Variants in PCDH15 observed in about 807,000 individuals in gnomAD.
The protein encoded by PCDH15 is protocadherin-15.
In PCDH15, 129 loss-of-function variants were observed where a neutral mutation model predicts 178.5. The observed-to-expected ratio is 0.72, with a 90% CI of 0.63 to 0.84. The LOEUF (loss-of-function observed/expected upper bound fraction) is 0.84, where lower values mean the gene tolerates loss of function less well. Among genes scored for constraint, PCDH15 ranks in the 40% least tolerant of loss-of-function variants. The probability of loss-of-function intolerance (pLI) is 0.00; values close to 1 mark genes in which losing one functional copy is unlikely to be tolerated. For synonymous variants in PCDH15, 800 were observed against 732.0 expected (o/e 1.09, Z -1.50); for missense variants, 2,230 against 2,099.9 (o/e 1.06, Z -1.21).
rs1841334974 is a variant in PCDH15, at chr10:55,234,968, TAC to T, written c.-155-68319_-155-68318del. ...AAGATTCCATAATTTTTCCAAAATT[TAC>T]AAAAATAAGTTAAAAATCCATAATG... On this transcript the variant is annotated intron_variant, in intron 1 of 5. Coordinates refer to the PCDH15 transcript ENST00000458638. Among the ~76,000 whole-genome samples the T allele has an allele frequency of 3.9e-5, 6 of 152,070 alleles. No individual in the cohort carries two copies. In the South Asian group the frequency reaches 1.2e-3, roughly 32 times the overall value.
chr10:53,816,163 T>A (rs1332625257), intron 35 of PCDH15, 76 bp downstream of exon 35: 1 of 398,238 alleles, frequency 2.5e-6, no homozygotes, highest in Non-Finnish European at 4.4e-6. Context: ...CCACTCTGCC[T>A]ACAAGAATTA....
chr10:55,099,576 T>C (rs2132044376), intron 2 of PCDH15, among the ~76,000 whole-genome samples: 1 of 152,238 alleles, frequency 6.6e-6, no homozygotes, highest in African/African-American at 2.4e-5. Context: ...GGAATTATCT[T>C]CATTCCACAT....
chr10:53,913,304 A>G (rs2083259247), intron 25 of PCDH15, among the ~76,000 whole-genome samples: 1 of 152,202 alleles, frequency 6.6e-6, no homozygotes, highest in African/African-American at 2.4e-5. Flanking sequence ...GATGGATTAA[A>G]GACTTAAATG....
At chr10:54,998,372 G>A (rs963143429) in intron 2 of PCDH15, among the ~76,000 whole-genome samples, 18 of 151,688 alleles carry the variant, frequency 1.2e-4, no homozygotes, top group African/African-American at 4.1e-4. Context: ...CATGTATCCT[G>A]AAACTTAAAG....
intron 6 of PCDH15, among the ~76,000 whole-genome samples, chr10:54,345,937 T>A (rs1943205926): frequency 6.6e-6 from 1 of 151,940 alleles, no homozygotes; most frequent in Non-Finnish European, 1.5e-5. Context: ...TTGGTTTAAC[T>A]GGTGGACGGC....
intron 2 of PCDH15, among the ~76,000 whole-genome samples, chr10:54,570,434 A>G (rs1160858950): frequency 6.6e-6 from 1 of 152,142 alleles, no homozygotes. Flanking sequence ...GAGAATTGCT[A>G]TGTTTGACAA....
chr10:54,272,038 T>C (rs796915707), intron 8 of PCDH15, among the ~76,000 whole-genome samples: 232 of 102,816 alleles, frequency 2.3e-3, no homozygotes, highest in African/African-American at 6.3e-3. Flanking sequence ...TATAATATAT[T>C]ATATATATAT....
At chr10:55,166,454 C>G (rs974108166) in intron 2 of PCDH15, 1 of 152,120 alleles carries the variant, frequency 6.6e-6, no homozygotes, top group African/African-American at 2.4e-5. Context: ...AGACATTGAG[C>G]AATGCCTGGA....
At chr10:55,224,036 G>A (rs967399301) in intron 1 of PCDH15, among the ~76,000 whole-genome samples, 1 of 152,046 alleles carries the variant, frequency 6.6e-6, no homozygotes, top group Non-Finnish European at 1.5e-5. Flanking sequence ...TGAATCACTT[G>A]AGTTCAGGAG....
intron 26 of PCDH15, among the ~76,000 whole-genome samples, chr10:53,881,238 C>T (rs776421737): frequency 7.2e-5 from 11 of 151,842 alleles, no homozygotes; most frequent in Non-Finnish European, 1.3e-4. Flanking sequence ...CTTACTTATA[C>T]GTGGGAGCTA....
chr10:54,898,555 T>C (rs1446883926), intron 2 of PCDH15, among the ~76,000 whole-genome samples: 1 of 152,160 alleles, frequency 6.6e-6, no homozygotes, highest in African/African-American at 2.4e-5. Flanking sequence ...GATAAAGATA[T>C]AATCCATTGT....
intron 3 of PCDH15, among the ~76,000 whole-genome samples, chr10:54,853,291 A>ATGTG (rs1564570137): frequency 1.7e-5 from 1 of 58,194 alleles, no homozygotes; most frequent in African/African-American, 7.6e-5. Flanking sequence ...GTATGTGTGT[A>ATGTG]TATATATATA....
At chr10:55,215,111 C>T (rs182179774) in intron 1 of PCDH15, among the ~76,000 whole-genome samples, 41 of 152,172 alleles carry the variant, frequency 2.7e-4, no homozygotes, top group Admixed American at 2.6e-3. Context: ...TAATTGGCCC[C>T]CAAAGGGCTC....
At chr10:53,886,297 C>A (rs1158836241) in intron 26 of PCDH15, among the ~76,000 whole-genome samples, 4 of 152,144 alleles carry the variant, frequency 2.6e-5, no homozygotes, top group African/African-American at 9.7e-5. Flanking sequence ...AATTAAGAAA[C>A]CTGTCCACTC....
chr10:54,940,566 T>C (rs2131863039), intron 2 of PCDH15, among the ~76,000 whole-genome samples: 1 of 152,282 alleles, frequency 6.6e-6, no homozygotes. Context: ...GTTTATGCTG[T>C]TGTTCAAGTC....
At chr10:55,190,428 TAAG>T (rs1179618500) in intron 1 of PCDH15, among the ~76,000 whole-genome samples, 2 of 151,704 alleles carry the variant, frequency 1.3e-5, no homozygotes, top group South Asian at 2.1e-4. Flanking sequence ...TATGATTAAA[TAAG>T]AAGTTATATA....
At chr10:55,336,309 C>T (rs2253312) in intron 2 of PCDH15, among the ~76,000 whole-genome samples, 3,914 of 151,880 alleles carry the variant, frequency 0.026, 166 homozygotes, top group African/African-American at 0.089. Flanking sequence ...ACCATCCTGG[C>T]CAACATGGTG....
At chr10:54,969,714 T>C (rs1185060493) in intron 2 of PCDH15, among the ~76,000 whole-genome samples, 1 of 152,186 alleles carries the variant, frequency 6.6e-6, no homozygotes, top group Non-Finnish European at 1.5e-5. Context: ...GAAAAGTAGC[T>C]CAAAAGTATC....
chr10:55,329,025 GTT>G (rs1565015305), intron 2 of PCDH15, among the ~76,000 whole-genome samples: 1 of 143,360 alleles, frequency 7.0e-6, no homozygotes, highest in African/African-American at 2.5e-5. Context: ...GTGTGTGTGT[GTT>G]TGTGTGTGTG....
Sources: allele counts gnomAD v4.1 joint callset (sites outside exome capture counted in the v4.1 genomes callset), GRCh38; gene constraint gnomAD v4.1.1; transcripts MANE v1.5; gene names NCBI Gene and HGNC (gene_info 2026-07-23, HGNC 2026-07-21).